ST6GALNAC5: variants seen among roughly 807,000 people sequenced by gnomAD.
ST6GALNAC5 encodes the protein ST6 N-acetylgalactosaminide alpha-2,6-sialyltransferase 5, also known as alpha-N-acetylgalactosaminide alpha-2,6-sialyltransferase 5.
In ST6GALNAC5, 27 loss-of-function variants were observed where a neutral mutation model predicts 33.6. The ratio of observed to expected loss-of-function variants is 0.80; its 90% confidence interval spans 0.59 to 1.11. The LOEUF (loss-of-function observed/expected upper bound fraction) is 1.11, where lower values mean the gene tolerates loss of function less well. ST6GALNAC5 is among the 50% of genes least tolerant of loss of function. ST6GALNAC5 has a pLI of 0.00. For synonymous variants in ST6GALNAC5, 194 were observed against 171.2 expected (o/e 1.13, Z -1.04); for missense variants, 428 against 454.0 (o/e 0.94, Z 0.52).
At chr1:77,060,265 C>T (rs1228040403) in intron 4 of ST6GALNAC5, 1 of 152,116 alleles carries the variant, frequency 6.6e-6, no homozygotes, top group African/African-American at 2.4e-5. Context: ...CTCACGGGGC[C>T]CACAATGGGA....
At chr1:76,885,843 T>C (rs1653880602) in intron 2 of ST6GALNAC5, among the ~76,000 whole-genome samples, 1 of 152,206 alleles carries the variant, frequency 6.6e-6, no homozygotes, top group East Asian at 1.9e-4. Context: ...CAGGCAATTT[T>C]TAAGTTTTGT....
Position 77,044,198 on chromosome 1 carries a change from T to G in ST6GALNAC5, c.262-6T>G. ...CTGACAGTGTCCTTCTCCCCCTGCC[T>G]TCCAGCCCCTGAAAATGCACTGCAG... On this transcript the variant is annotated splice_polypyrimidine_tract_variant and splice_region_variant and intron_variant, in intron 2 of 4. Transcript: ENST00000477717. The G allele has an allele frequency of 6.3e-7, 1 of 1,590,282 alleles. No individual in the cohort carries two copies. The highest frequency in any genetic ancestry group is 8.6e-7 in the Non-Finnish European group (1 of 1,164,986).
chr1:77,039,249 A>G (rs927282455), intron 2 of ST6GALNAC5, among the ~76,000 whole-genome samples: 6 of 152,148 alleles, frequency 3.9e-5, no homozygotes, highest in African/African-American at 1.4e-4. Flanking sequence ...TCACCTCACA[A>G]CAGCTCTAAT....
chr1:76,979,058 A>G (rs193152007), intron 2 of ST6GALNAC5, among the ~76,000 whole-genome samples: 1 of 152,276 alleles, frequency 6.6e-6, no homozygotes, highest in Non-Finnish European at 1.5e-5. Context: ...GAATAAACTT[A>G]ACTGAGGAGG....
chr1:76,972,614 GT>G (rs1417809250), intron 2 of ST6GALNAC5, among the ~76,000 whole-genome samples: 1 of 152,068 alleles, frequency 6.6e-6, no homozygotes, highest in Non-Finnish European at 1.5e-5. Context: ...CTGATCCTGT[GT>G]TTTTATAAAC....
chr1:76,986,901 G>T (rs1649523700), intron 2 of ST6GALNAC5, among the ~76,000 whole-genome samples: 1 of 152,168 alleles, frequency 6.6e-6, no homozygotes, highest in Non-Finnish European at 1.5e-5. Flanking sequence ...ATCATTCTGA[G>T]CAAACTATCC....
intron 2 of ST6GALNAC5, among the ~76,000 whole-genome samples, chr1:76,952,950 A>T (rs1647811406): frequency 6.6e-6 from 1 of 152,070 alleles, no homozygotes; most frequent in Non-Finnish European, 1.5e-5. Flanking sequence ...TATACAGTAC[A>T]TTAACTTTTG....
At chr1:76,914,289 C>A (rs1193259961) in intron 2 of ST6GALNAC5, among the ~76,000 whole-genome samples, 1 of 152,088 alleles carries the variant, frequency 6.6e-6, no homozygotes, top group Non-Finnish European at 1.5e-5. Flanking sequence ...AGATTCAATG[C>A]CATCCCCATC....
At chr1:76,965,078 G>A (rs1648404490) in intron 2 of ST6GALNAC5, among the ~76,000 whole-genome samples, 1 of 152,188 alleles carries the variant, frequency 6.6e-6, no homozygotes, top group Admixed American at 6.6e-5. Context: ...ACAAGTGCAT[G>A]TGTCTTTATA....
chr1:76,970,951 T>C lies in ST6GALNAC5; in HGVS notation c.262-73253T>C, dbSNP rs150382040. Reference sequence around the variant, plus strand: ...TGCATCATATGTAAATAAGAAAATATTTTTTTTTCCAAAACCACTTTTATT... The same window carrying C: ...TGCATCATATGTAAATAAGAAAATACTTTTTTTTCCAAAACCACTTTTATT... On this transcript the variant is annotated intron_variant, in intron 2 of 4. Transcript: ENST00000477717. Among the ~76,000 whole-genome samples the C allele has an allele frequency of 2.5e-4, 38 of 150,214 alleles. No individual in the cohort carries two copies. The East Asian group carries it at 7.2e-3, about 28-fold the overall frequency.
intron 2 of ST6GALNAC5, among the ~76,000 whole-genome samples, chr1:77,003,840 A>C (rs1326951041): frequency 2.0e-5 from 3 of 148,400 alleles, no homozygotes; most frequent in Admixed American, 6.8e-5. Flanking sequence ...TCTGGCTTGT[A>C]GGGTTTCTGC....
At position 77,048,098 on chromosome 1, in the gene ST6GALNAC5, C is replaced by T. The variant is rs373840991; in HGVS notation, c.672-2160C>T. On this transcript the variant is annotated intron_variant, in intron 3 of 4. Transcript: ENST00000477717. ...AAGAACTCTTCACTTTAGTTTCTTTCGTCCTCTACCTTGCATTCTTTTCCC... is the reference window on the plus strand; with the variant it reads ...AAGAACTCTTCACTTTAGTTTCTTTTGTCCTCTACCTTGCATTCTTTTCCC... Among the ~76,000 whole-genome samples, 37 of 152,186 alleles carry T rather than the reference C, an allele frequency of 2.4e-4. 1 individual carries two copies. The highest frequency in any genetic ancestry group is 2.9e-4 in the Non-Finnish European group (20 of 68,026).
chr1:76,977,436 T>C (rs1420748268), intron 2 of ST6GALNAC5, among the ~76,000 whole-genome samples: 1 of 152,178 alleles, frequency 6.6e-6, no homozygotes, highest in African/African-American at 2.4e-5. Context: ...ACTATAACTT[T>C]GTACCCACTG....
intron 2 of ST6GALNAC5, chr1:76,869,130 G>C (rs757462696): frequency 5.0e-6 from 1 of 201,560 alleles, no homozygotes; most frequent in Non-Finnish European, 9.9e-6. Context: ...CAGCCTGAGC[G>C]TTCCTCTGAC....
chr1:77,026,169 C>A (rs1651225072), intron 2 of ST6GALNAC5, among the ~76,000 whole-genome samples: 1 of 151,818 alleles, frequency 6.6e-6, no homozygotes, highest in South Asian at 2.1e-4. Context: ...TGCATGCTAT[C>A]TTTGACCTGT....
At chr1:77,040,292 G>A (rs763036051) in intron 2 of ST6GALNAC5, among the ~76,000 whole-genome samples, 5 of 152,112 alleles carry the variant, frequency 3.3e-5, no homozygotes, top group African/African-American at 7.2e-5. Flanking sequence ...TTATTGGCAC[G>A]CCTTACCAAA....
rs1297369559 is a variant in ST6GALNAC5, at chr1:77,017,545, C to T, written c.262-26659C>T. On this transcript the variant is annotated intron_variant, in intron 2 of 4. Transcript: ENST00000477717. ...TCACAAGCAAGAGGGACCCAGGGAT[C>T]CAGGTCCTCTGAGTTTTCAAGGGAG... is the stretch of plus-strand genomic sequence containing the variant. Among the ~76,000 whole-genome samples, 7 of 152,128 alleles carry T rather than the reference C, an allele frequency of 4.6e-5. No homozygotes were observed. The South Asian group carries it at 6.2e-4, about 13-fold the overall frequency.
intron 2 of ST6GALNAC5, among the ~76,000 whole-genome samples, chr1:77,026,775 C>A (rs1233517175): frequency 6.6e-6 from 1 of 151,382 alleles, no homozygotes; most frequent in East Asian, 1.9e-4. Context: ...GATAGTGGAC[C>A]ACTAAAGAAC....
intron 3 of ST6GALNAC5, among the ~76,000 whole-genome samples, chr1:77,049,480 A>G (rs1404060246): frequency 6.6e-6 from 1 of 152,196 alleles, no homozygotes; most frequent in African/African-American, 2.4e-5. Flanking sequence ...CCTTGGTGTT[A>G]TGTCTCCACA....
Sources: gnomAD v4.1 joint callset for allele counts (sites outside exome capture counted in the v4.1 genomes callset) on GRCh38, gnomAD v4.1.1 for gene constraint, MANE v1.5 for transcripts, NCBI Gene and HGNC (gene_info 2026-07-23, HGNC 2026-07-21) for gene names.